The following ABCA1 variants were observed in gnomAD, a reference collection of about 807,000 sequenced individuals.
ABCA1 encodes the protein ATP binding cassette subfamily A member 1.
Under a neutral mutation model 262.5 loss-of-function variants are expected in ABCA1, and 133 were observed. The observed-to-expected ratio is 0.51, with a 90% confidence interval of 0.44 to 0.59. ABCA1 has a LOEUF of 0.59. ABCA1 is among the 20% of genes least tolerant of loss of function. The probability of loss-of-function intolerance (pLI) is 0.00; values close to 1 mark genes in which losing one functional copy is unlikely to be tolerated. For missense variants in ABCA1, 2,452 were observed against 2,777.5 expected, an observed-to-expected ratio of 0.88 and a Z score of 2.63; for synonymous variants, 1,022 against 1,043.5, an observed-to-expected ratio of 0.98 and a Z score of 0.40.
Position 104,815,042 on chromosome 9 carries a change from G to A in ABCA1, c.3739-567C>T, listed in dbSNP as rs575583921. Among the ~76,000 whole-genome samples, 11 of 152,178 alleles carry A rather than the reference G, an allele frequency of 7.2e-5. No homozygotes were observed. In the East Asian group the frequency reaches 1.7e-3, roughly 24 times the overall value. On this transcript the variant is annotated intron_variant, in intron 25 of 49. Coordinates refer to ENST00000374736, the MANE Select transcript of ABCA1 (RefSeq NM_005502.4). ...TAAAAAAAGCTATGACAGACACTGC[G>A]CAGAAGAAATTTATTCTGAACCTAC...
intron 9 of ABCA1, among the ~76,000 whole-genome samples, chr9:104,839,690 C>T (rs1458226631): frequency 6.6e-6 from 1 of 152,082 alleles, no homozygotes; most frequent in East Asian, 1.9e-4. Flanking sequence ...TTAAGGTATA[C>T]AATGTGATGT....
intron 5 of ABCA1, among the ~76,000 whole-genome samples, chr9:104,862,644 CG>C (rs1491173099): frequency 0.13 from 952 of 7,370 alleles, 139 homozygotes; most frequent in East Asian, 0.38. Flanking sequence ...CGGGCCGGGC[CG>C]GGCCGGGCCG....
rs748474717 is a variant in ABCA1, at chr9:104,816,311, A to G, written c.3570T>C (p.His1190=). The part of the protein sequence containing the change: ...VSAISNLIRK[H]VSEARLVEDI... ...CTTCCACCAGCCGGGCTTCAGACAC[A>G]TGCTTCCTGATGAGGTTGGAGATAG... is the stretch of plus-strand genomic sequence containing the variant. Residue 1190 remains histidine (H), a synonymous_variant, in exon 25 of 50, where the codon CAT becomes CAC. Coordinates refer to ENST00000374736, the MANE Select transcript of ABCA1 (RefSeq NM_005502.4). 3.1e-6 allele frequency: 5 copies of G among 1,613,846 alleles called. No homozygotes were observed. The highest frequency in any genetic ancestry group is 1.3e-5 in the African/African-American group (1 of 74,840).
chr9:104,811,016 C>T, intron 28 of ABCA1, 92 bp from the exon 29 acceptor site: 1 of 1,580,280 alleles, frequency 6.3e-7, no homozygotes, highest in Non-Finnish European at 8.6e-7. Context: ...GAGTCCAGCC[C>T]ACCTCCCCGA....
intron 1 of ABCA1, among the ~76,000 whole-genome samples, chr9:104,922,744 C>G (rs1431200423): frequency 1.3e-5 from 2 of 152,146 alleles, no homozygotes; most frequent in Admixed American, 6.5e-5. Context: ...CGGAGTCTCA[C>G]TCTGTCGCCC....
intron 32 of ABCA1, 91 bp from the exon 33 acceptor site, chr9:104,803,407 A>G (rs1278660711): frequency 7.8e-7 from 1 of 1,286,868 alleles, no homozygotes; most frequent in African/African-American, 1.5e-5. Flanking sequence ...ACCTGAGGAT[A>G]TAAGGAACGG....
In ABCA1 at chr9:104,810,725, A is replaced by C. The variant is rs963448175; in HGVS notation, c.4175+75T>G. ...ATTCCACCGTGTAATTCTGAAGTCC[A>C]TTCCCTTGGCCCTCGTAAACATCTT... On this transcript the variant is annotated intron_variant, in intron 29 of 49. Transcript: ENST00000374736. 1.9e-6 allele frequency: 3 copies of C among 1,610,028 alleles called. No homozygotes were observed. In the African/African-American group the frequency reaches 4.0e-5, roughly 22 times the overall value.
chr9:104,858,632 T>C lies in ABCA1; in HGVS notation c.610A>G (p.Ile204Val), dbSNP rs1205250265. ...LCNGSKSEEM[I>V]QLGDQEVSEL... ...GAAACTTCTTGGTCACCAAGTTGAA[T>C]CATCTCTTCTGATTTTGATCCATTG... The change falls in exon 7 of 50, where the codon ATT becomes GTT. Residue 204 changes from isoleucine (I) to valine (V), a missense_variant. Physicochemically the swap from Ile to Val is conservative, Grantham distance 29. Transcript: ENST00000374736. 1.2e-6 allele frequency: 2 copies of C among 1,614,096 alleles called. No homozygotes were observed. Among genetic ancestry groups the C allele is most frequent in the East Asian group, 2.2e-5 (1 of 44,894 alleles).
At chr9:104,905,156 C>T (rs1481097293) in intron 1 of ABCA1, among the ~76,000 whole-genome samples, 1 of 152,112 alleles carries the variant, frequency 6.6e-6, no homozygotes, top group Non-Finnish European at 1.5e-5. Context: ...ATCACTGTGG[C>T]CTCTAGAGGA....
chr9:104,867,930 T>C (rs1281880260), intron 5 of ABCA1, among the ~76,000 whole-genome samples: 2 of 152,210 alleles, frequency 1.3e-5, no homozygotes, highest in African/African-American at 4.8e-5. Flanking sequence ...GAGGTCTTCT[T>C]ACCTGACACT....
chr9:104,861,122 A>T (rs1409683121), intron 6 of ABCA1, among the ~76,000 whole-genome samples: 1 of 152,096 alleles, frequency 6.6e-6, no homozygotes, highest in Non-Finnish European at 1.5e-5. Context: ...CCCCAGTGCC[A>T]TCTCACAGAG....
intron 7 of ABCA1, among the ~76,000 whole-genome samples, chr9:104,849,032 A>C (rs1222032096): frequency 6.6e-6 from 1 of 152,200 alleles, no homozygotes; most frequent in Non-Finnish European, 1.5e-5. Context: ...CAAATCAGTG[A>C]ATGGGTCTGT....
intron 6 of ABCA1, among the ~76,000 whole-genome samples, chr9:104,859,163 C>T (rs1836118250): frequency 6.6e-6 from 1 of 152,098 alleles, no homozygotes; most frequent in Non-Finnish European, 1.5e-5. Context: ...AGATATTTAA[C>T]TAAGACACAG....
chr9:104,924,819 C>T (rs1842339297), intron 1 of ABCA1, among the ~76,000 whole-genome samples: 1 of 151,996 alleles, frequency 6.6e-6, no homozygotes, highest in Non-Finnish European at 1.5e-5. Flanking sequence ...AGTATCCCGG[C>T]TTACGGGAGA....
At chr9:104,788,289 G>C in intron 45 of ABCA1, 137 bp downstream of exon 45, 1 of 1,260,878 alleles carries the variant, frequency 7.9e-7, no homozygotes, top group Non-Finnish European at 1.1e-6. Flanking sequence ...CCTGAAAGCA[G>C]ATACAAAGAA....
chr9:104,913,669 T>C (rs1841635129), intron 1 of ABCA1, among the ~76,000 whole-genome samples: 1 of 152,228 alleles, frequency 6.6e-6, no homozygotes, highest in Non-Finnish European at 1.5e-5. Flanking sequence ...ATTGTTTTAC[T>C]ATAAAACCCC....
In ABCA1 at chr9:104,804,698, A is replaced by G. The variant is rs1200689743; in HGVS notation, c.4487T>C (p.Ile1496Thr). 2 of 1,614,056 alleles carry G rather than the reference A, an allele frequency of 1.2e-6. No individual in the cohort carries two copies. The highest frequency in any genetic ancestry group is 1.7e-5 in the Admixed American group (1 of 60,006). ...PPQRKQNTAD[I>T]LQDLTGRNIS... ...GTTTCTTCCTGTCAGGTCCTGAAGG[A>G]TATCTGCAGTGTTTTGTTTTCTCTG... The change falls in exon 32 of 50, where the codon ATC becomes ACC. Residue 1496 changes from isoleucine (I) to threonine (T), a missense_variant. Physicochemically the swap from Ile to Thr is moderately conservative, Grantham distance 89. Around this residue, in one of 4 missense-constraint regions of ABCA1, gnomAD observed 752 missense variants for 944.5 expected, o/e 0.80. Coordinates refer to ENST00000374736, the MANE Select transcript of ABCA1 (RefSeq NM_005502.4).
intron 40 of ABCA1, among the ~76,000 whole-genome samples, chr9:104,793,983 T>A (rs536922465): frequency 6.6e-6 from 1 of 152,316 alleles, no homozygotes; most frequent in South Asian, 2.1e-4. Flanking sequence ...ATAAATGACC[T>A]CATCTGCAGG....
At chr9:104,851,733 A>T (rs1490772040) in intron 7 of ABCA1, among the ~76,000 whole-genome samples, 1 of 152,194 alleles carries the variant, frequency 6.6e-6, no homozygotes, top group East Asian at 1.9e-4. Context: ...CAGGAATGAA[A>T]CAGAGAGGGC....
Sources: allele counts gnomAD v4.1 joint callset (sites outside exome capture counted in the v4.1 genomes callset), GRCh38; gene constraint gnomAD v4.1.1; regional missense constraint gnomAD v4.1.1; transcripts MANE v1.5; gene names NCBI Gene and HGNC (gene_info 2026-07-23, HGNC 2026-07-21).